NSD2: variants seen among roughly 807,000 people sequenced by gnomAD.
The protein encoded by NSD2 is nuclear receptor binding SET domain protein 2.
A neutral mutation model predicts 139.0 loss-of-function variants in NSD2; 12 were observed. The observed-to-expected ratio is 0.09, with a 90% CI of 0.06 to 0.14. NSD2 has a LOEUF of 0.14. Among genes scored for constraint, NSD2 ranks in the 10% least tolerant of loss-of-function variants. NSD2 has a pLI of 1.00. For missense variants in NSD2, 1,155 were observed against 1,745.0 expected (o/e 0.66, Z 6.02); for synonymous variants, 669 against 648.7 (o/e 1.03, Z -0.48).
At chr4:1,949,870 T>A (rs1724033963) in intron 9 of NSD2, among the ~76,000 whole-genome samples, 1 of 152,172 alleles carries the variant, frequency 6.6e-6, no homozygotes, top group Non-Finnish European at 1.5e-5. Context: ...CAATGTCAGC[T>A]AAATGTGGAA....
In NSD2 at chr4:1,958,598, C is replaced by A. The variant is rs1029818644; in HGVS notation, c.2985+562C>A. The stretch of plus-strand genomic sequence containing the variant: ...CGGCAAGCCGCATCCCCAGGAGCCT[C>A]GTGGCCGTTCCTGACGAGTGTTTGT... On this transcript the variant is annotated intron_variant, in intron 16 of 21. Transcript: ENST00000508803. This position sits in a 1 kb window ranked among gnomAD's most constrained non-coding sequence, Gnocchi z 4.6. 2.0e-5 allele frequency among the ~76,000 whole-genome samples: 3 copies of A among 152,356 alleles called. No homozygotes were observed. In the South Asian group the frequency reaches 6.2e-4, roughly 32 times the overall value.
intron 1 of NSD2, chr4:1,899,179 A>G (rs1056725799): frequency 5.9e-5 from 9 of 152,270 alleles, no homozygotes; most frequent in South Asian, 4.1e-4. Context: ...ACATTTTTTC[A>G]AGGTTTTACA....
intron 4 of NSD2, among the ~76,000 whole-genome samples, chr4:1,917,248 A>G (rs1453095746): frequency 6.6e-6 from 1 of 151,914 alleles, no homozygotes; most frequent in East Asian, 1.9e-4. Flanking sequence ...TCATTTGATG[A>G]CTCTCAGAGA....
chr4:1,877,339 G>A (rs1471276943), intron 1 of NSD2, among the ~76,000 whole-genome samples: 2 of 152,034 alleles, frequency 1.3e-5, no homozygotes, highest in African/African-American at 4.8e-5. Flanking sequence ...TGTCCTATGT[G>A]TCCCCAGTCT....
In NSD2 at chr4:1,980,883, G is replaced by A. The variant is rs1339118814; in HGVS notation, c.*1974G>A. On this transcript the variant is annotated 3_prime_UTR_variant, in exon 22 of 22. Coordinates refer to ENST00000508803, the MANE Select transcript of NSD2 (RefSeq NM_001042424.3). ...ATACTGGATCGGCTCATAGATTTAT[G>A]CTCCTTATGATGCCCTAACTTGGAA... The A allele has an allele frequency of 1.3e-5, 3 of 233,134 alleles. No individual in the cohort carries two copies. The highest frequency in any genetic ancestry group is 8.5e-6 in the Non-Finnish European group (1 of 118,046). The allele number at this position is 233,134 out of a possible 1,614,324, so 14.4% of individuals were successfully genotyped here.
chr4:1,909,728 T>C (rs1452198361), intron 3 of NSD2, among the ~76,000 whole-genome samples: 1 of 151,610 alleles, frequency 6.6e-6, no homozygotes, highest in Non-Finnish European at 1.5e-5. Flanking sequence ...GCAACCTCCA[T>C]TTCCCAGGTT....
intron 5 of NSD2, among the ~76,000 whole-genome samples, chr4:1,919,905 C>T (rs1187163355): frequency 1.3e-5 from 2 of 151,842 alleles, no homozygotes; most frequent in Non-Finnish European, 2.9e-5. Context: ...CACTGCACTC[C>T]AGCCTGGCGA....
chr4:1,896,805 ATTCT>A (rs759843722), intron 1 of NSD2, among the ~76,000 whole-genome samples: 32 of 95,770 alleles, frequency 3.3e-4, no homozygotes, highest in South Asian at 1.9e-3. Flanking sequence ...TTTCTCTCTC[ATTCT>A]TTCTTTCTTT....
intron 1 of NSD2, among the ~76,000 whole-genome samples, chr4:1,898,090 T>G (rs564086594): frequency 2.2e-4 from 34 of 152,246 alleles, no homozygotes; most frequent in Admixed American, 4.6e-4. Context: ...CTCTGCTTCC[T>G]TTTTTTCCCC....
At chr4:1,935,953 A>G (rs191132712) in intron 7 of NSD2, among the ~76,000 whole-genome samples, 1 of 152,236 alleles carries the variant, frequency 6.6e-6, no homozygotes, top group African/African-American at 2.4e-5. Flanking sequence ...ATCAAAGTCC[A>G]TTAGAGATAT....
In NSD2 at chr4:1,871,446, G is replaced by A. The variant is rs1713748831; in HGVS notation, c.-126G>A. 1 of 146,196 alleles carries A rather than the reference G, an allele frequency of 6.8e-6. No individual in the cohort carries two copies. The highest frequency in any genetic ancestry group is 2.0e-4 in the South Asian group (1 of 4,956). 9.1% of individuals were successfully genotyped at this position (146,196 alleles called of 1,614,324 possible). ...CCGCGCTGCGCCCGCCGCCGCCGCC[G>A]CCCCCTCCCCGCCTGGGCCCTACCG... On this transcript the variant is annotated 5_prime_UTR_variant, in exon 1 of 22. Coordinates refer to ENST00000508803, the MANE Select transcript of NSD2 (RefSeq NM_001042424.3).
intron 5 of NSD2, among the ~76,000 whole-genome samples, chr4:1,929,945 G>C (rs190131285): frequency 6.6e-6 from 1 of 152,126 alleles, no homozygotes; most frequent in Non-Finnish European, 1.5e-5. Context: ...ATCAGACTTC[G>C]GTGTGTCTGC....
Position 1,939,778 on chromosome 4 carries a change from G to A in NSD2, c.1881G>A (p.Glu627=), listed in dbSNP as rs1381305878. 1 of 1,614,012 alleles carries A rather than the reference G, an allele frequency of 6.2e-7. No individual in the cohort carries two copies. The highest frequency in any genetic ancestry group is 1.3e-5 in the African/African-American group (1 of 74,910). ...SSPSASLTEN[E]VSDSPGDEPS... ...CTTCTGCATCCTTAACTGAGAATGA[G>A]GTAAAATAATAATAATAACGATAAC... Residue 627 remains glutamate (E), a splice_region_variant and synonymous_variant, in exon 9 of 22, where the codon GAG becomes GAA. Transcript: ENST00000508803.
At chr4:1,940,538 G>C in intron 9 of NSD2, 1 of 1,064,636 alleles carries the variant, frequency 9.4e-7, no homozygotes, top group Non-Finnish European at 1.1e-6. Context: ...TTGGTTTCCT[G>C]ATTTTTAGGG....
intron 1 of NSD2, among the ~76,000 whole-genome samples, chr4:1,894,599 G>A (rs1397243045): frequency 6.6e-6 from 1 of 151,618 alleles, no homozygotes; most frequent in Non-Finnish European, 1.5e-5. Flanking sequence ...TTGGGCCCAG[G>A]AGTTCTAGGA....
intron 18 of NSD2, among the ~76,000 whole-genome samples, chr4:1,967,652 A>G (rs1726026876): frequency 1.3e-5 from 2 of 152,062 alleles, no homozygotes; most frequent in South Asian, 4.1e-4. Context: ...GAGTGTTGCC[A>G]GACACTGAGG....
chr4:1,905,136 A>C (rs942639108), intron 3 of NSD2, among the ~76,000 whole-genome samples: 2 of 152,202 alleles, frequency 1.3e-5, no homozygotes, highest in Admixed American at 6.5e-5. Context: ...GTCTCACAAA[A>C]AAAAAAAGAA....
At chr4:1,943,609 C>T (rs1244902377) in intron 9 of NSD2, 2 of 1,048,558 alleles carry the variant, frequency 1.9e-6, no homozygotes, top group Non-Finnish European at 2.3e-6. Context: ...GGTTGGGTTC[C>T]TCTATTGGCT....
At chr4:1,917,160 C>T in intron 4 of NSD2, 123 bp downstream of exon 4, 4 of 1,036,824 alleles carry the variant, frequency 3.9e-6, no homozygotes, top group Non-Finnish European at 5.4e-6. Flanking sequence ...CAATCTCTTT[C>T]ATTGTTGACT....
Sources: gnomAD v4.1 joint callset for allele counts (sites outside exome capture counted in the v4.1 genomes callset) on GRCh38, gnomAD v4.1.1 for gene constraint, Gnocchi (gnomAD v3.1) non-coding constraint, MANE v1.5 for transcripts, NCBI Gene and HGNC (gene_info 2026-07-23, HGNC 2026-07-21) for gene names.